Variants in PSD3 observed in about 807,000 individuals in gnomAD.
PSD3 encodes PH and SEC7 domain-containing protein 3.
PSD3 carries 49 observed loss-of-function variants against 105.5 expected under a neutral mutation model. That is an observed-to-expected ratio of 0.46 (90% CI 0.37 to 0.59). The LOEUF (loss-of-function observed/expected upper bound fraction) is 0.59, where lower values mean the gene tolerates loss of function less well. Ranked by LOEUF, PSD3 falls within the 20% of genes least tolerant of loss-of-function variation. PSD3 has a pLI of 0.00. For missense variants in PSD3, 1,561 were observed against 1,263.8 expected (o/e 1.24, Z -3.57); for synonymous variants, 557 against 457.8 (o/e 1.22, Z -2.77).
chr8:18,641,583 T>C (rs1807644758), intron 10 of PSD3, among the ~76,000 whole-genome samples: 1 of 152,192 alleles, frequency 6.6e-6, no homozygotes, highest in South Asian at 2.1e-4. Context: ...AATGGGGTGA[T>C]AAACTACGGT....
chr8:18,857,063 C>T (rs1347753136), intron 4 of PSD3, among the ~76,000 whole-genome samples: 1 of 152,188 alleles, frequency 6.6e-6, no homozygotes, highest in Non-Finnish European at 1.5e-5. Context: ...GGAGGGACTC[C>T]CTATCACCAC....
chr8:18,602,461 C>T (rs1804505196), intron 11 of PSD3, among the ~76,000 whole-genome samples: 1 of 151,966 alleles, frequency 6.6e-6, no homozygotes, highest in Non-Finnish European at 1.5e-5. Flanking sequence ...TAAAACTTAA[C>T]CTTATCTTTG....
chr8:18,916,739 C>T (rs1820634274), intron 2 of PSD3, among the ~76,000 whole-genome samples: 1 of 151,412 alleles, frequency 6.6e-6, no homozygotes, highest in Non-Finnish European at 1.5e-5. Context: ...ATGTTCCCAC[C>T]ACAAAAAAAT....
intron 12 of PSD3, among the ~76,000 whole-genome samples, chr8:18,588,605 T>C (rs1309321584): frequency 6.6e-6 from 1 of 152,226 alleles, no homozygotes; most frequent in Non-Finnish European, 1.5e-5. Flanking sequence ...CAGGCTTTTC[T>C]CTTTATAAAA....
Position 18,955,158 on chromosome 8 carries a change from TGAA to T in PSD3, c.22-19019_22-19017del, listed in dbSNP as rs1198975306. On this transcript the variant is annotated intron_variant, in intron 1 of 15. Coordinates refer to ENST00000327040, the MANE Select transcript of PSD3 (RefSeq NM_015310.4). ...GGCTCTGCTCCAGGTGTGGGTAGGC[TGAA>T]GAAGATTCCCCCGGCATCTCCTTCA... is the stretch of plus-strand genomic sequence containing the variant. Among the ~76,000 whole-genome samples the T allele has an allele frequency of 3.9e-5, 6 of 152,326 alleles. No individual in the cohort carries two copies. In the East Asian group the frequency reaches 7.7e-4, roughly 20 times the overall value.
At chr8:18,878,359 C>A (rs1817872249) in intron 2 of PSD3, among the ~76,000 whole-genome samples, 1 of 152,120 alleles carries the variant, frequency 6.6e-6, no homozygotes, top group East Asian at 1.9e-4. Context: ...CATACCAGAT[C>A]ATGTCATCTG....
At chr8:18,607,565 G>A (rs936667972) in intron 11 of PSD3, among the ~76,000 whole-genome samples, 1 of 151,902 alleles carries the variant, frequency 6.6e-6, no homozygotes, top group East Asian at 1.9e-4. Flanking sequence ...CTAGATTCGG[G>A]AGGCAATGTC....
chr8:18,965,771 T>C (rs1824200664), intron 1 of PSD3, among the ~76,000 whole-genome samples: 1 of 152,188 alleles, frequency 6.6e-6, no homozygotes, highest in South Asian at 2.1e-4. Flanking sequence ...CACGTGGATA[T>C]TTTCACACCC....
intron 9 of PSD3, among the ~76,000 whole-genome samples, chr8:18,687,542 C>T (rs547284023): frequency 6.6e-6 from 1 of 151,470 alleles, no homozygotes; most frequent in South Asian, 2.1e-4. Context: ...TCCCCCCTAA[C>T]TATACAAAAA....
chr8:18,827,352 A>C (rs567133791), intron 4 of PSD3, among the ~76,000 whole-genome samples: 1 of 152,338 alleles, frequency 6.6e-6, no homozygotes, highest in African/African-American at 2.4e-5. Context: ...CAGAAGACAG[A>C]GACGTGTAAG....
intron 8 of PSD3, chr8:18,799,068 T>A: frequency 2.1e-6 from 1 of 482,678 alleles, no homozygotes; most frequent in Non-Finnish European, 3.7e-6. Flanking sequence ...CACACATTAC[T>A]GCTAAAACAA....
At chr8:18,953,302 T>A (rs182988533) in intron 1 of PSD3, among the ~76,000 whole-genome samples, 1 of 134,466 alleles carries the variant, frequency 7.4e-6, no homozygotes, top group African/African-American at 2.7e-5. Context: ...TCTCTCTCCA[T>A]ATGTGTGTGT....
intron 4 of PSD3, among the ~76,000 whole-genome samples, chr8:18,854,740 A>C (rs1815866511): frequency 6.6e-6 from 1 of 152,198 alleles, no homozygotes; most frequent in South Asian, 2.1e-4. Context: ...CACTTGACTG[A>C]AATAGACAAC....
intron 2 of PSD3, among the ~76,000 whole-genome samples, chr8:18,897,085 G>A (rs1294611751): frequency 1.3e-5 from 2 of 152,142 alleles, no homozygotes; most frequent in Non-Finnish European, 2.9e-5. Flanking sequence ...GGGATTACAG[G>A]CGTGAGCCAC....
At chr8:18,841,220 T>C (rs529682802) in intron 4 of PSD3, among the ~76,000 whole-genome samples, 9 of 152,268 alleles carry the variant, frequency 5.9e-5, no homozygotes, top group African/African-American at 1.9e-4. Flanking sequence ...GCTGTGTTTG[T>C]TATGGCTGGC....
At chr8:18,828,058 T>TA (rs1162731726) in intron 4 of PSD3, among the ~76,000 whole-genome samples, 1 of 113,006 alleles carries the variant, frequency 8.8e-6, no homozygotes, top group African/African-American at 3.7e-5. Context: ...TATATATATA[T>TA]ATATATATAT....
chr8:18,608,725 A>C (rs1425280652), intron 11 of PSD3, among the ~76,000 whole-genome samples: 1 of 152,238 alleles, frequency 6.6e-6, no homozygotes, highest in African/African-American at 2.4e-5. Context: ...ATTTCTAAAC[A>C]ATAAAATATT....
At chr8:18,682,295 T>C (rs531021322) in intron 9 of PSD3, among the ~76,000 whole-genome samples, 73 of 152,336 alleles carry the variant, frequency 4.8e-4, no homozygotes, top group African/African-American at 1.7e-3. Context: ...CATTAAAACA[T>C]CCAAAACAAA....
intron 9 of PSD3, among the ~76,000 whole-genome samples, chr8:18,673,875 C>T (rs1217100518): frequency 1.3e-5 from 2 of 152,092 alleles, no homozygotes; most frequent in African/African-American, 4.8e-5. Context: ...GGCATGCTGG[C>T]TCATACCTGT....
Sources: allele counts gnomAD v4.1 joint callset (sites outside exome capture counted in the v4.1 genomes callset), GRCh38; gene constraint gnomAD v4.1.1; transcripts MANE v1.5; gene names NCBI Gene and HGNC (gene_info 2026-07-23, HGNC 2026-07-21).